CNTN4: variants seen among roughly 807,000 people sequenced by gnomAD.
The protein encoded by CNTN4 is contactin 4.
A neutral mutation model predicts 122.5 loss-of-function variants in CNTN4; 77 were observed. That is an observed-to-expected ratio of 0.63 (90% CI 0.52 to 0.76). CNTN4 has a LOEUF of 0.76. CNTN4 is among the 30% of genes least tolerant of loss of function. CNTN4 has a pLI of 0.00. For missense variants in CNTN4, 1,256 were observed against 1,259.1 expected (o/e 1.00, Z 0.04); for synonymous variants, 512 against 447.0 (o/e 1.15, Z -1.83).
intron 2 of CNTN4, among the ~76,000 whole-genome samples, chr3:2,217,186 TGA>T (rs2038879836): frequency 6.6e-6 from 1 of 152,166 alleles, no homozygotes; most frequent in African/African-American, 2.4e-5. Context: ...TTCTGTGACA[TGA>T]GTCTTCCTCC....
chr3:2,309,422 C>T (rs2042835803), intron 2 of CNTN4, among the ~76,000 whole-genome samples: 1 of 152,026 alleles, frequency 6.6e-6, no homozygotes, highest in African/African-American at 2.4e-5. Flanking sequence ...AAATATCTAC[C>T]TTTTAATTAC....
At chr3:2,189,821 T>C (rs911090721) in intron 2 of CNTN4, among the ~76,000 whole-genome samples, 1 of 152,204 alleles carries the variant, frequency 6.6e-6, no homozygotes, top group Non-Finnish European at 1.5e-5. Context: ...TGAGTGATTC[T>C]CAGGTTACTC....
intron 6 of CNTN4, among the ~76,000 whole-genome samples, chr3:2,801,416 T>G (rs1274410533): frequency 6.6e-6 from 1 of 152,230 alleles, no homozygotes; most frequent in African/African-American, 2.4e-5. Context: ...TTAACACTAA[T>G]CAAGAGGAGC....
chr3:2,307,691 T>G (rs2042768066), intron 2 of CNTN4, among the ~76,000 whole-genome samples: 1 of 152,204 alleles, frequency 6.6e-6, no homozygotes, highest in African/African-American at 2.4e-5. Context: ...GCTTTTGTTC[T>G]TTATTGTATT....
intron 10 of CNTN4, among the ~76,000 whole-genome samples, chr3:2,896,612 T>C (rs950771273): frequency 3.3e-5 from 5 of 152,142 alleles, no homozygotes; most frequent in African/African-American, 1.2e-4. Flanking sequence ...TTAAGTAGCA[T>C]TGGAAAATGA....
intron 14 of CNTN4, among the ~76,000 whole-genome samples, chr3:2,993,738 T>A (rs1695266134): frequency 6.6e-6 from 1 of 152,244 alleles, no homozygotes; most frequent in Non-Finnish European, 1.5e-5. Flanking sequence ...CTTCCTCAGA[T>A]CTTCAAAATT....
chr3:2,667,399 C>G (rs544462514), intron 4 of CNTN4, among the ~76,000 whole-genome samples: 7 of 152,072 alleles, frequency 4.6e-5, no homozygotes, highest in Non-Finnish European at 8.8e-5. Context: ...CTTTTGAGAA[C>G]TGTCTGTTCA....
intron 20 of CNTN4, among the ~76,000 whole-genome samples, chr3:3,042,089 T>C (rs1574908843): frequency 6.6e-6 from 1 of 152,356 alleles, no homozygotes; most frequent in Non-Finnish European, 1.5e-5. Context: ...GTGGTTCTTC[T>C]CTTCTACCCA....
intron 3 of CNTN4, among the ~76,000 whole-genome samples, chr3:2,508,151 T>A (rs2076786632): frequency 6.6e-6 from 1 of 152,238 alleles, no homozygotes; most frequent in Admixed American, 6.5e-5. Context: ...GCGTCCATAC[T>A]TTTGGCTTAC....
intron 2 of CNTN4, among the ~76,000 whole-genome samples, chr3:2,276,433 C>T (rs1048848805): frequency 6.6e-6 from 1 of 152,152 alleles, no homozygotes; most frequent in African/African-American, 2.4e-5. Flanking sequence ...CTCTGCCTCC[C>T]AAAGTGCTGG....
intron 2 of CNTN4, among the ~76,000 whole-genome samples, chr3:2,292,571 G>T (rs1428386171): frequency 2.0e-5 from 3 of 152,036 alleles, no homozygotes; most frequent in Non-Finnish European, 4.4e-5. Flanking sequence ...GTCCCTTTTA[G>T]GTAGTAGTCT....
intron 2 of CNTN4, among the ~76,000 whole-genome samples, chr3:2,275,116 A>G (rs772543898): frequency 6.6e-6 from 1 of 152,192 alleles, no homozygotes; most frequent in Non-Finnish European, 1.5e-5. Flanking sequence ...TTATGTGTCC[A>G]TCATCTACGT....
At chr3:2,190,789 T>C (rs2037493297) in intron 2 of CNTN4, among the ~76,000 whole-genome samples, 1 of 150,750 alleles carries the variant, frequency 6.6e-6, no homozygotes, top group Non-Finnish European at 1.5e-5. Flanking sequence ...GTATACAGCT[T>C]AAGGTGAGGA....
At chr3:2,750,366 C>T (rs551628422) in intron 6 of CNTN4, among the ~76,000 whole-genome samples, 1 of 152,158 alleles carries the variant, frequency 6.6e-6, no homozygotes, top group African/African-American at 2.4e-5. Context: ...TGTTTTCATG[C>T]TGCTTTTGTG....
intron 14 of CNTN4, among the ~76,000 whole-genome samples, chr3:2,995,559 G>A (rs1450514989): frequency 6.6e-6 from 1 of 152,132 alleles, no homozygotes; most frequent in African/African-American, 2.4e-5. Context: ...GTCTTTCGTA[G>A]CAAAGCCTCT....
At chr3:2,924,860 T>G (rs1310759927) in intron 12 of CNTN4, among the ~76,000 whole-genome samples, 1 of 152,118 alleles carries the variant, frequency 6.6e-6, no homozygotes, top group Non-Finnish European at 1.5e-5. Context: ...TGTTCTCTAA[T>G]AGAGATATAT....
intron 3 of CNTN4, among the ~76,000 whole-genome samples, chr3:2,416,358 T>G (rs949575776): frequency 3.3e-5 from 5 of 152,210 alleles, no homozygotes; most frequent in Admixed American, 2.0e-4. Flanking sequence ...TGCCATTAGT[T>G]TTTCATTTTT....
chr3:2,614,236 G>A (rs1472364740), intron 4 of CNTN4, among the ~76,000 whole-genome samples: 1 of 152,142 alleles, frequency 6.6e-6, no homozygotes, highest in East Asian at 1.9e-4. Context: ...GAAATAGCTG[G>A]TGCAAAGACC....
chr3:2,222,074 T>A (rs2039081229), intron 2 of CNTN4, among the ~76,000 whole-genome samples: 1 of 152,240 alleles, frequency 6.6e-6, no homozygotes, highest in Admixed American at 6.5e-5. Context: ...AATGAAAACA[T>A]AAATGAACAC....
Sources: gnomAD v4.1 joint callset for allele counts (sites outside exome capture counted in the v4.1 genomes callset) on GRCh38, gnomAD v4.1.1 for gene constraint, MANE v1.5 for transcripts, NCBI Gene and HGNC (gene_info 2026-07-23, HGNC 2026-07-21) for gene names.